MAF: variants seen among roughly 807,000 people sequenced by gnomAD.
The protein encoded by MAF is transcription factor Maf.
A neutral mutation model predicts 22.0 loss-of-function variants in MAF; 10 were observed. The ratio of observed to expected loss-of-function variants is 0.45; its 90% CI spans 0.28 to 0.77. MAF has a LOEUF of 0.77. Ranked by LOEUF, MAF falls within the 30% of genes least tolerant of loss-of-function variation. MAF has a pLI of 0.12. For missense variants in MAF, 544 were observed against 548.4 expected (o/e 0.99, Z 0.08); for synonymous variants, 337 against 255.8 (o/e 1.32, Z -3.03).
At chr16:79,285,493 C>T in the MAF span, among the ~76,000 whole-genome samples, 3 of 152,150 alleles carry the variant, frequency 2.0e-5, no homozygotes, top group Non-Finnish European at 4.4e-5. Flanking sequence ...ACATCAGAGT[C>T]CCCTAGGTGT....
the MAF span, among the ~76,000 whole-genome samples, chr16:79,541,661 A>G: frequency 7.1e-6 from 1 of 140,172 alleles, no homozygotes; most frequent in South Asian, 2.3e-4. Flanking sequence ...GGGTTTTTTT[A>G]GTTTTTTTTT....
chr16:79,248,636 T>C, the MAF span, among the ~76,000 whole-genome samples: 8 of 152,192 alleles, frequency 5.3e-5, no homozygotes, highest in Admixed American at 1.3e-4. Flanking sequence ...TCATTTTCAC[T>C]TAAAAAATAT....
the MAF span, among the ~76,000 whole-genome samples, chr16:79,207,557 A>G: frequency 6.6e-6 from 1 of 152,248 alleles, no homozygotes; most frequent in Non-Finnish European, 1.5e-5. Context: ...GCAATCTTAG[A>G]ACATCTACTC....
chr16:79,314,363 C>A, the MAF span, among the ~76,000 whole-genome samples: 2 of 152,090 alleles, frequency 1.3e-5, no homozygotes, highest in African/African-American at 4.8e-5. Flanking sequence ...TTCCTAAGGC[C>A]AGGTTAAATG....
At chr16:79,545,294 T>G in the MAF span, among the ~76,000 whole-genome samples, 2 of 152,168 alleles carry the variant, frequency 1.3e-5, no homozygotes, top group African/African-American at 2.4e-5. Flanking sequence ...ACACAGTGTC[T>G]GTGTACTGAG....
At chr16:79,412,520 C>T in the MAF span, among the ~76,000 whole-genome samples, 5 of 152,166 alleles carry the variant, frequency 3.3e-5, no homozygotes, top group African/African-American at 7.2e-5. Context: ...GGCTGGGTAA[C>T]TGTTGTAGGG....
chr16:79,472,735 T>C, the MAF span, among the ~76,000 whole-genome samples: 416 of 152,210 alleles, frequency 2.7e-3, no homozygotes, highest in African/African-American at 9.3e-3. Flanking sequence ...CAAAAGCCCA[T>C]TAAATGTCAC....
chr16:79,591,710 G>A (rs942033100), downstream of MAF, among the ~76,000 whole-genome samples: 2 of 151,948 alleles, frequency 1.3e-5, no homozygotes, highest in African/African-American at 4.8e-5. Context: ...TTTTTCCTTC[G>A]GGCAGACTTA....
At chr16:79,366,336 G>T in the MAF span, among the ~76,000 whole-genome samples, 2 of 152,172 alleles carry the variant, frequency 1.3e-5, no homozygotes, top group Non-Finnish European at 2.9e-5. Flanking sequence ...AGTATAGGCA[G>T]GGTTAGAGCC....
At chr16:79,416,746 G>A in the MAF span, among the ~76,000 whole-genome samples, 1 of 152,214 alleles carries the variant, frequency 6.6e-6, no homozygotes, top group Non-Finnish European at 1.5e-5. Flanking sequence ...CTGCTGACCA[G>A]AGAGCATCCT....
the MAF span, among the ~76,000 whole-genome samples, chr16:79,511,703 T>C: frequency 7.9e-5 from 12 of 152,278 alleles, no homozygotes; most frequent in African/African-American, 2.4e-4. Context: ...CAGTAGCCCA[T>C]TGGGCCTGCA....
chr16:79,547,654 G>A, the MAF span, among the ~76,000 whole-genome samples: 359 of 152,296 alleles, frequency 2.4e-3, 1 homozygote, highest in African/African-American at 7.8e-3. Context: ...CCAATTCACT[G>A]TGAAAGATTA....
At chr16:79,305,696 G>C in the MAF span, among the ~76,000 whole-genome samples, 2 of 152,188 alleles carry the variant, frequency 1.3e-5, no homozygotes, top group Admixed American at 6.5e-5. Flanking sequence ...TAATAGACGG[G>C]TTCTTGTTGC....
chr16:79,542,900 T>A, the MAF span, among the ~76,000 whole-genome samples: 3 of 152,222 alleles, frequency 2.0e-5, no homozygotes, highest in African/African-American at 7.2e-5. Context: ...TTTTATATCA[T>A]AAGCTAGCAC....
chr16:79,371,920 G>A, the MAF span, among the ~76,000 whole-genome samples: 1 of 152,170 alleles, frequency 6.6e-6, no homozygotes, highest in Non-Finnish European at 1.5e-5. Flanking sequence ...CCCAAGCTTC[G>A]CTTTTTCTCA....
the MAF span, among the ~76,000 whole-genome samples, chr16:79,211,024 T>A: frequency 7.8e-6 from 1 of 128,938 alleles, no homozygotes; most frequent in African/African-American, 3.3e-5. Context: ...AGTATGAATG[T>A]ATGGTGAGGA....
At chr16:79,338,848 G>C in the MAF span, among the ~76,000 whole-genome samples, 8 of 152,146 alleles carry the variant, frequency 5.3e-5, no homozygotes, top group Admixed American at 2.0e-4. Flanking sequence ...GGGTTAGTGT[G>C]GGTGAGCTGT....
chr16:79,209,952 C>T, the MAF span, among the ~76,000 whole-genome samples: 2 of 152,316 alleles, frequency 1.3e-5, no homozygotes, highest in South Asian at 2.1e-4. Context: ...ACAGCTGAAT[C>T]CAGGATAATA....
At chr16:79,247,650 T>C in the MAF span, among the ~76,000 whole-genome samples, 10 of 152,178 alleles carry the variant, frequency 6.6e-5, no homozygotes, top group Non-Finnish European at 1.3e-4. Flanking sequence ...TAGCCGGTCT[T>C]ACCACTGTCA....
Sources: gnomAD v4.1 joint callset for allele counts (sites outside exome capture counted in the v4.1 genomes callset) on GRCh38, gnomAD v4.1.1 for gene constraint, MANE v1.5 for transcripts, NCBI Gene and HGNC (gene_info 2026-07-23, HGNC 2026-07-21) for gene names.